ITPRID1: variants seen among roughly 807,000 people sequenced by gnomAD.
ITPRID1 encodes ITPR interacting domain containing 1.
A neutral mutation model predicts 95.4 loss-of-function variants in ITPRID1; 96 were observed. That is an observed-to-expected ratio of 1.01 (90% confidence interval 0.85 to 1.19). The LOEUF (loss-of-function observed/expected upper bound fraction) is 1.19, where lower values mean the gene tolerates loss of function less well. ITPRID1 is among the 50% of genes most tolerant of loss of function. ITPRID1 has a pLI of 0.00. For synonymous variants in ITPRID1, 510 were observed against 453.6 expected (o/e 1.12, Z -1.58); for missense variants, 1,339 against 1,252.9 (o/e 1.07, Z -1.04).
At chr7:31,585,408 T>C (rs1052276998) in intron 10 of ITPRID1, among the ~76,000 whole-genome samples, 9 of 152,064 alleles carry the variant, frequency 5.9e-5, no homozygotes, top group Non-Finnish European at 1.3e-4. Context: ...GCCACAAATA[T>C]ACTATCCTCC....
rs543338869 is a variant in ITPRID1, at chr7:31,529,759, A to G, written c.-98+15639A>G. ...ACAAAAAGGCACAGAAGATCTCCAC[A>G]CATACTTTGATGCCAACTACAGCAA... On this transcript the variant is annotated intron_variant, in intron 1 of 14. Coordinates refer to ENST00000615280, the MANE Select transcript of ITPRID1 (RefSeq NM_001257967.3). 15 of 1,535,046 alleles carry G rather than the reference A, an allele frequency of 9.8e-6. No homozygotes were observed. In the African/African-American group the frequency reaches 1.9e-4, roughly 20 times the overall value.
intron 10 of ITPRID1, among the ~76,000 whole-genome samples, chr7:31,640,211 G>C (rs1789894391): frequency 6.6e-6 from 1 of 152,284 alleles, no homozygotes; most frequent in South Asian, 2.1e-4. Flanking sequence ...AATGTCCTGT[G>C]AAATAGGAGG....
intron 10 of ITPRID1, among the ~76,000 whole-genome samples, chr7:31,588,650 T>C (rs1785729902): frequency 3.5e-5 from 1 of 28,394 alleles, no homozygotes; most frequent in Non-Finnish European, 8.2e-5. Context: ...AAATTAGAAG[T>C]CTTATGAGTT....
At chr7:31,631,758 G>A (rs1478372319) in intron 10 of ITPRID1, among the ~76,000 whole-genome samples, 1 of 152,214 alleles carries the variant, frequency 6.6e-6, no homozygotes, top group East Asian at 1.9e-4. Flanking sequence ...GCTAATGGAA[G>A]TAATTCAAAT....
At chr7:31,583,038 C>T in intron 9 of ITPRID1, 96 bp from the exon 10 acceptor site, 1 of 795,566 alleles carries the variant, frequency 1.3e-6, no homozygotes, top group Non-Finnish European at 2.1e-6. Flanking sequence ...CATGTTTATC[C>T]CTCTTATCAG....
At chr7:31,628,672 G>T (rs922914500) in intron 10 of ITPRID1, among the ~76,000 whole-genome samples, 1 of 152,008 alleles carries the variant, frequency 6.6e-6, no homozygotes, top group African/African-American at 2.4e-5. Flanking sequence ...TAGCCAGGAT[G>T]GTCTCAATCT....
At chr7:31,632,189 C>T (rs145230090) in intron 10 of ITPRID1, among the ~76,000 whole-genome samples, 1 of 152,206 alleles carries the variant, frequency 6.6e-6, no homozygotes, top group Non-Finnish European at 1.5e-5. Flanking sequence ...TGGCTCACAC[C>T]TGTAATCCCA....
At chr7:31,618,290 AAAGT>A (rs1787461883) in intron 10 of ITPRID1, among the ~76,000 whole-genome samples, 1 of 152,166 alleles carries the variant, frequency 6.6e-6, no homozygotes, top group African/African-American at 2.4e-5. Flanking sequence ...TACCCCATAA[AAAGT>A]AATTAGGACT....
At chr7:31,524,222 T>C (rs535693364) in intron 1 of ITPRID1, among the ~76,000 whole-genome samples, 1 of 152,274 alleles carries the variant, frequency 6.6e-6, no homozygotes, top group East Asian at 1.9e-4. Flanking sequence ...GTGGGGTTGG[T>C]AGAGAAAGGG....
At chr7:31,564,835 GA>G (rs1444956245) in intron 5 of ITPRID1, among the ~76,000 whole-genome samples, 1 of 152,168 alleles carries the variant, frequency 6.6e-6, no homozygotes, top group East Asian at 1.9e-4. Context: ...CTGCCCTGAA[GA>G]CACCTGGGCC....
chr7:31,578,085 C>G lies in ITPRID1; in HGVS notation c.821C>G (p.Ser274Ter). ...AGGCGGGATTGTAACCCAGAGGTAT[C>G]AGAGTCCTTCAAGGTGAAGGATGAA... The part of the protein sequence containing the change: ...NIRRDCNPEV[S>*]ESFKVKDEVF... Residue 274 changes from serine to a stop codon, truncating the protein, a stop_gained, in exon 9 of 15, where the codon TCA (serine) becomes TGA (stop). Transcript: ENST00000615280. LOFTEE classifies it high-confidence loss of function. 1 of 1,613,714 alleles carries G rather than the reference C, an allele frequency of 6.2e-7. No homozygotes were observed. Among genetic ancestry groups the G allele is most frequent in the Non-Finnish European group, 8.5e-7 (1 of 1,179,768 alleles).
chr7:31,519,620 C>CTATATATATATATATA lies in ITPRID1; in HGVS notation c.-98+5511_-98+5526dup, dbSNP rs750544823. On this transcript the variant is annotated intron_variant, in intron 1 of 14. Transcript: ENST00000615280. ...TCTCTCTCTCTCTCTCTCTCTCTCT[C>CTATATATATATATATA]TATATATATATATATATATATATAT... 4.0e-3 allele frequency among the ~76,000 whole-genome samples: 100 copies of CTATATATATATATATA among 25,242 alleles called. 3 individuals are homozygous for CTATATATATATATATA. The highest frequency in any genetic ancestry group is 9.0e-3 in the East Asian group (3 of 334). 16.6% of individuals were successfully genotyped at this position (25,242 alleles called of 152,430 possible).
chr7:31,561,593 G>T (rs369103541), intron 5 of ITPRID1, among the ~76,000 whole-genome samples: 1 of 152,104 alleles, frequency 6.6e-6, no homozygotes, highest in African/African-American at 2.4e-5. Flanking sequence ...TGCTGCTTAC[G>T]TTGTGAGTCT....
At chr7:31,571,852 G>A (rs1320022775) in intron 6 of ITPRID1, among the ~76,000 whole-genome samples, 3 of 152,142 alleles carry the variant, frequency 2.0e-5, no homozygotes, top group African/African-American at 7.2e-5. Context: ...GAGACATTCT[G>A]TCACCTTCAT....
At chr7:31,514,985 A>G (rs1354434739) in intron 1 of ITPRID1, among the ~76,000 whole-genome samples, 1 of 152,008 alleles carries the variant, frequency 6.6e-6, no homozygotes, top group Non-Finnish European at 1.5e-5. Context: ...CAGACCTGAG[A>G]GCCTGGCCCA....
At chr7:31,574,167 G>A (rs1035828630) in intron 7 of ITPRID1, among the ~76,000 whole-genome samples, 15 of 88,566 alleles carry the variant, frequency 1.7e-4, no homozygotes, top group African/African-American at 5.5e-4. Flanking sequence ...AGTTTTGTGG[G>A]ATTTTTTTTT....
At chr7:31,629,553 A>ATGAC (rs1162239023) in intron 10 of ITPRID1, among the ~76,000 whole-genome samples, 1 of 152,218 alleles carries the variant, frequency 6.6e-6, no homozygotes, top group Non-Finnish European at 1.5e-5. Context: ...GTATTTTGAT[A>ATGAC]TGACAGTTTT....
At chr7:31,544,141 G>T (rs56094595) in intron 1 of ITPRID1, among the ~76,000 whole-genome samples, 34,955 of 151,978 alleles carry the variant, frequency 0.23, 4,120 homozygotes, top group East Asian at 0.33. Context: ...GTAAGAGGGA[G>T]CATTCCTCCC....
At chr7:31,620,967 C>T (rs1215993115) in intron 10 of ITPRID1, among the ~76,000 whole-genome samples, 1 of 151,854 alleles carries the variant, frequency 6.6e-6, no homozygotes, top group Non-Finnish European at 1.5e-5. Context: ...AATGCAGAAG[C>T]CTCAGGAGCC....
Sources: gnomAD v4.1 joint callset for allele counts (sites outside exome capture counted in the v4.1 genomes callset) on GRCh38, gnomAD v4.1.1 for gene constraint, MANE v1.5 for transcripts, NCBI Gene and HGNC (gene_info 2026-07-23, HGNC 2026-07-21) for gene names.